Variants in NALCN observed in about 807,000 individuals in gnomAD.
NALCN encodes sodium leak channel, non-selective.
NALCN carries 111 observed loss-of-function variants against 225.3 expected under a neutral mutation model. The observed-to-expected ratio is 0.49, with a 90% confidence interval of 0.42 to 0.58. NALCN has a LOEUF of 0.58. Ranked by LOEUF, NALCN falls within the 20% of genes least tolerant of loss-of-function variation. NALCN has a pLI of 0.00. For missense variants in NALCN, 1,378 were observed against 2,202.4 expected, an observed-to-expected ratio of 0.63 and a Z score of 7.49; for synonymous variants, 764 against 769.0, an observed-to-expected ratio of 0.99 and a Z score of 0.11.
At chr13:101,415,279 G>A (rs2047910495) in intron 1 of NALCN, among the ~76,000 whole-genome samples, 1 of 146,036 alleles carries the variant, frequency 6.8e-6, no homozygotes, top group Admixed American at 7.0e-5. Flanking sequence ...CCCTATTAGA[G>A]GTGTTATCCA....
chr13:101,174,300 T>C (rs1486457598), intron 15 of NALCN, among the ~76,000 whole-genome samples: 2 of 152,156 alleles, frequency 1.3e-5, no homozygotes, highest in African/African-American at 4.8e-5. Flanking sequence ...TGGTCCAAAT[T>C]GTAGGCTAGT....
intron 3 of NALCN, among the ~76,000 whole-genome samples, chr13:101,392,011 AAAACAAAAAAT>A (rs2047161529): frequency 6.6e-6 from 1 of 151,580 alleles, no homozygotes; most frequent in Non-Finnish European, 1.5e-5. Flanking sequence ...AAACAAAAAA[AAAACAAAAAAT>A]AAAAAATAAA....
At chr13:101,241,450 T>C (rs2041755976) in intron 11 of NALCN, among the ~76,000 whole-genome samples, 2 of 151,984 alleles carry the variant, frequency 1.3e-5, no homozygotes, top group African/African-American at 4.8e-5. Flanking sequence ...TTTTTTTTTC[T>C]TTTTCTGAGA....
At chr13:101,389,478 C>A (rs2047082236) in intron 3 of NALCN, among the ~76,000 whole-genome samples, 1 of 152,214 alleles carries the variant, frequency 6.6e-6, no homozygotes, top group Non-Finnish European at 1.5e-5. Flanking sequence ...TTCCAGACCA[C>A]AGCCCCATGT....
chr13:101,058,433 A>G (rs1030145606), intron 42 of NALCN: 1 of 159,078 alleles, frequency 6.3e-6, no homozygotes, highest in Non-Finnish European at 1.4e-5. Context: ...GGGGCAGTCT[A>G]CTGTCACCAG....
At chr13:101,331,225 T>C (rs996650865) in intron 7 of NALCN, among the ~76,000 whole-genome samples, 3 of 151,974 alleles carry the variant, frequency 2.0e-5, no homozygotes, top group Admixed American at 6.6e-5. Context: ...AAAGGAGAGT[T>C]AGAAAATATG....
In NALCN at chr13:101,250,777, G is replaced by T. The variant is rs905015645; in HGVS notation, c.1266+7666C>A. Among the ~76,000 whole-genome samples the T allele has an allele frequency of 4.0e-5, 6 of 151,872 alleles. No individual in the cohort carries two copies. The East Asian group carries it at 9.7e-4, about 24-fold the overall frequency. ...ATTGAAGAAAAGACAGCAAATAAAAGTTAAAAGACAAGCTGAAGGCTGGGA... is the reference window on the plus strand; with the variant it reads ...ATTGAAGAAAAGACAGCAAATAAAATTTAAAAGACAAGCTGAAGGCTGGGA... On this transcript the variant is annotated intron_variant, in intron 11 of 43. Coordinates refer to ENST00000251127, the MANE Select transcript of NALCN (RefSeq NM_052867.4).
Position 101,104,201 on chromosome 13 carries a change from T to C in NALCN, c.2889+94A>G. On this transcript the variant is annotated intron_variant, in intron 25 of 43. Coordinates refer to ENST00000251127, the MANE Select transcript of NALCN (RefSeq NM_052867.4). This position sits in a 1 kb window ranked among gnomAD's most constrained non-coding sequence, Gnocchi z 4.2. ...AGAATTCGGTTAGGGAATCTAAGCC[T>C]CTGTAACTCATACCTCTTGCGCTTA... The C allele has an allele frequency of 6.9e-7, 1 of 1,455,236 alleles. No homozygotes were observed. Among genetic ancestry groups the C allele is most frequent in the African/African-American group, 1.4e-5 (1 of 70,498 alleles). The allele number at this position is 1,455,236 out of a possible 1,614,324, so 90.1% of individuals were successfully genotyped here. A position where few individuals can be genotyped will look rare whatever the true frequency, so the allele number is the denominator to read the frequency against.
At chr13:101,183,546 A>G (rs549633983) in intron 14 of NALCN, among the ~76,000 whole-genome samples, 3 of 151,902 alleles carry the variant, frequency 2.0e-5, no homozygotes, top group African/African-American at 7.2e-5. Flanking sequence ...TGCAACCTCT[A>G]CCTCCCGGGT....
At chr13:101,414,052 A>ATTTTTT (rs34061768) in intron 1 of NALCN, among the ~76,000 whole-genome samples, 1 of 147,556 alleles carries the variant, frequency 6.8e-6, no homozygotes, top group Non-Finnish European at 1.5e-5. Context: ...CACTTGGTGA[A>ATTTTTT]TTTTTTTTTT....
intron 13 of NALCN, among the ~76,000 whole-genome samples, chr13:101,213,784 T>G (rs1302478998): frequency 6.6e-6 from 1 of 152,032 alleles, no homozygotes; most frequent in Non-Finnish European, 1.5e-5. Flanking sequence ...CATTAAAAAG[T>G]CAGGAAACAA....
At chr13:101,391,278 G>A (rs1427307175) in intron 3 of NALCN, among the ~76,000 whole-genome samples, 3 of 151,946 alleles carry the variant, frequency 2.0e-5, no homozygotes, top group African/African-American at 7.3e-5. Flanking sequence ...GGAAAGAAAA[G>A]CTATTTACAC....
chr13:101,267,775 T>G (rs1594566052), intron 10 of NALCN, among the ~76,000 whole-genome samples: 3 of 152,316 alleles, frequency 2.0e-5, no homozygotes, highest in Admixed American at 6.5e-5. Context: ...CAGCTGAGAT[T>G]GGCTCAGACT....
chr13:101,376,585 C>A, intron 6 of NALCN, 115 bp downstream of exon 6: 2 of 975,194 alleles, frequency 2.1e-6, no homozygotes, highest in Non-Finnish European at 2.9e-6. Context: ...AGACACAGAA[C>A]AAAGAGGACA....
chr13:101,376,581 A>T, intron 6 of NALCN, 119 bp downstream of exon 6: 2 of 927,736 alleles, frequency 2.2e-6, no homozygotes, highest in Non-Finnish European at 3.1e-6. Flanking sequence ...GCAGAGACAC[A>T]GAACAAAGAG....
At chr13:101,359,146 T>C (rs910932576) in intron 6 of NALCN, among the ~76,000 whole-genome samples, 1 of 152,132 alleles carries the variant, frequency 6.6e-6, no homozygotes, top group Non-Finnish European at 1.5e-5. Context: ...TATACCTAGG[T>C]AGCAAACCTG....
chr13:101,378,746 G>T, intron 3 of NALCN, 93 bp from the exon 4 acceptor site: 1 of 1,070,976 alleles, frequency 9.3e-7, no homozygotes, highest in Non-Finnish European at 1.4e-6. Flanking sequence ...TTCAATAAAA[G>T]CTATCTACAA....
chr13:101,300,218 T>C (rs184637080), intron 7 of NALCN, among the ~76,000 whole-genome samples: 1 of 152,220 alleles, frequency 6.6e-6, no homozygotes, highest in African/African-American at 2.4e-5. Flanking sequence ...TAGAACTAAA[T>C]TACTTGGGAG....
At chr13:101,156,464 T>A (rs933943603) in intron 15 of NALCN, among the ~76,000 whole-genome samples, 10 of 152,254 alleles carry the variant, frequency 6.6e-5, no homozygotes, top group African/African-American at 2.2e-4. Flanking sequence ...TCTCTCACAT[T>A]TACCTAGTTT....
Sources: allele counts gnomAD v4.1 joint callset (sites outside exome capture counted in the v4.1 genomes callset), GRCh38; gene constraint gnomAD v4.1.1; non-coding constraint Gnocchi (gnomAD v3.1); transcripts MANE v1.5; gene names NCBI Gene and HGNC (gene_info 2026-07-23, HGNC 2026-07-21).